The following GPC6 variants were observed in gnomAD, a reference collection of about 807,000 sequenced individuals.
The protein encoded by GPC6 is glypican-6.
Under a neutral mutation model 55.2 loss-of-function variants are expected in GPC6, and 14 were observed. The ratio of observed to expected loss-of-function variants is 0.25; its 90% CI spans 0.17 to 0.40. GPC6 has a LOEUF of 0.40. Among genes scored for constraint, GPC6 ranks in the 10% least tolerant of loss-of-function variants. GPC6 has a pLI of 1.00. For missense variants in GPC6, 641 were observed against 708.5 expected, an observed-to-expected ratio of 0.90 and a Z score of 1.08; for synonymous variants, 278 against 259.6, an observed-to-expected ratio of 1.07 and a Z score of -0.68.
chr13:93,761,841 C>T (rs943377572), intron 2 of GPC6, among the ~76,000 whole-genome samples: 9 of 152,094 alleles, frequency 5.9e-5, no homozygotes, highest in Admixed American at 5.2e-4. Flanking sequence ...ACACATTAGT[C>T]ATCTGAAATA....
At chr13:94,103,616 T>C (rs1885945790) in intron 4 of GPC6, among the ~76,000 whole-genome samples, 2 of 152,228 alleles carry the variant, frequency 1.3e-5, no homozygotes, top group African/African-American at 4.8e-5. Flanking sequence ...TGGTTTTGAT[T>C]TGCATTTCTC....
intron 4 of GPC6, among the ~76,000 whole-genome samples, chr13:94,035,492 A>G (rs1241062843): frequency 8.5e-5 from 13 of 152,090 alleles, no homozygotes; most frequent in Admixed American, 8.5e-4. Context: ...AGAAAACATC[A>G]AACCACATAG....
At chr13:93,981,337 C>T (rs1479992336) in intron 3 of GPC6, among the ~76,000 whole-genome samples, 1 of 152,092 alleles carries the variant, frequency 6.6e-6, no homozygotes, top group African/African-American at 2.4e-5. Context: ...ATACAAAATA[C>T]CTCATATTTT....
intron 4 of GPC6, among the ~76,000 whole-genome samples, chr13:94,158,567 C>G (rs1334861903): frequency 6.6e-6 from 1 of 151,880 alleles, no homozygotes; most frequent in Non-Finnish European, 1.5e-5. Context: ...CAGAAGCAGG[C>G]AGGAGAGAAT....
chr13:93,706,274 AAAGATT>A (rs1882846179), intron 2 of GPC6, among the ~76,000 whole-genome samples: 1 of 151,924 alleles, frequency 6.6e-6, no homozygotes, highest in Admixed American at 6.6e-5. Context: ...TCCTAAATAA[AAAGATT>A]AAGAAATGAA....
rs971165085 is a variant in GPC6, at chr13:94,405,799, C to G, written c.*2582C>G. 35 of 152,266 alleles carry G rather than the reference C, an allele frequency of 2.3e-4. 1 individual carries two copies. Among genetic ancestry groups the G allele is most frequent in the Admixed American group, 1.6e-3 (25 of 15,300 alleles). The allele number at this position is 152,266 out of a possible 1,614,324, so 9.4% of individuals were successfully genotyped here. On this transcript the variant is annotated 3_prime_UTR_variant, in exon 9 of 9. Coordinates refer to ENST00000377047, the MANE Select transcript of GPC6 (RefSeq NM_005708.5). The stretch of plus-strand genomic sequence containing the variant: ...TTAATGATGTCACAGTGTTAGCACC[C>G]TGCATGGATGTGGTCAAAATATCAT...
At chr13:94,149,222 G>T (rs1319296537) in intron 4 of GPC6, among the ~76,000 whole-genome samples, 1 of 152,060 alleles carries the variant, frequency 6.6e-6, no homozygotes, top group East Asian at 1.9e-4. Context: ...TAGATGAATG[G>T]AAGAAAACAA....
At chr13:93,363,107 CTTTTTTTTTGTT>C (rs1292963282) in intron 1 of GPC6, among the ~76,000 whole-genome samples, 2,469 of 126,306 alleles carry the variant, frequency 0.02, 63 homozygotes, top group African/African-American at 0.067. Flanking sequence ...TTTTTCTTTC[CTTTTTTTTTGTT>C]TTTTTTTTTG....
chr13:93,290,207 G>A (rs1227590690), intron 1 of GPC6, among the ~76,000 whole-genome samples: 1 of 152,124 alleles, frequency 6.6e-6, no homozygotes, highest in Non-Finnish European at 1.5e-5. Flanking sequence ...ATGTTTGCCT[G>A]TGACTTTTTT....
At chr13:93,629,206 C>T (rs1428902559) in intron 2 of GPC6, among the ~76,000 whole-genome samples, 1 of 152,076 alleles carries the variant, frequency 6.6e-6, no homozygotes, top group Admixed American at 6.6e-5. Flanking sequence ...TAAGTAGATA[C>T]TAAGTCTGGT....
At chr13:93,288,041 T>C (rs1878196259) in intron 1 of GPC6, among the ~76,000 whole-genome samples, 1 of 152,210 alleles carries the variant, frequency 6.6e-6, no homozygotes, top group South Asian at 2.1e-4. Flanking sequence ...AATTTACTAA[T>C]GTCCCTTTTA....
intron 6 of GPC6, among the ~76,000 whole-genome samples, chr13:94,344,339 A>T (rs1878181916): frequency 6.6e-6 from 1 of 152,228 alleles, no homozygotes; most frequent in Admixed American, 6.5e-5. Flanking sequence ...GTTTGAATTA[A>T]CAATGAATTA....
intron 4 of GPC6, among the ~76,000 whole-genome samples, chr13:94,065,347 G>A (rs2138774386): frequency 6.6e-6 from 1 of 152,310 alleles, no homozygotes; most frequent in Non-Finnish European, 1.5e-5. Context: ...ACTCTATGAT[G>A]AGAGTATGCT....
At chr13:93,310,287 A>G (rs1879020541) in intron 1 of GPC6, among the ~76,000 whole-genome samples, 1 of 152,138 alleles carries the variant, frequency 6.6e-6, no homozygotes, top group South Asian at 2.1e-4. Context: ...CAATGCAGCT[A>G]ATTGTTTCCA....
At chr13:94,085,090 G>A (rs201572574) in intron 4 of GPC6, among the ~76,000 whole-genome samples, 4 of 151,920 alleles carry the variant, frequency 2.6e-5, no homozygotes, top group South Asian at 2.1e-4. Context: ...TTGGGAGGCC[G>A]AGGCAGGCAG....
At chr13:93,760,689 G>A (rs761569825) in intron 2 of GPC6, among the ~76,000 whole-genome samples, 3 of 152,148 alleles carry the variant, frequency 2.0e-5, no homozygotes, top group African/African-American at 4.8e-5. Flanking sequence ...TATACATGCC[G>A]AAGTAAATCA....
chr13:93,426,405 G>C (rs1179962506), intron 1 of GPC6, among the ~76,000 whole-genome samples: 3 of 118,946 alleles, frequency 2.5e-5, no homozygotes, highest in African/African-American at 1.0e-4. Context: ...CCCCACAACA[G>C]TCCCCAGAGT....
At position 93,464,649 on chromosome 13, in the gene GPC6, A is replaced by C. The variant is rs181835842; in HGVS notation, c.161-80614A>C. ...ATGTCTCTGGTGATTTTCTCCATTGAATTCTTGGACCCCTCCAAGTCATCT... is the reference window on the plus strand; with the variant it reads ...ATGTCTCTGGTGATTTTCTCCATTGCATTCTTGGACCCCTCCAAGTCATCT... On this transcript the variant is annotated intron_variant, in intron 1 of 8. Transcript: ENST00000377047. 3.3e-5 allele frequency among the ~76,000 whole-genome samples: 5 copies of C among 152,228 alleles called. No individual in the cohort carries two copies. The East Asian group carries it at 9.7e-4, about 29-fold the overall frequency.
Position 94,382,637 on chromosome 13 carries a change from T to C in GPC6, c.1289+87T>C, listed in dbSNP as rs377281133. 28 of 1,568,918 alleles carry C rather than the reference T, an allele frequency of 1.8e-5. No homozygotes were observed. In the Middle Eastern group the frequency reaches 6.4e-4, roughly 36 times the overall value. On this transcript the variant is annotated intron_variant, in intron 7 of 8. Transcript: ENST00000377047. ...CCTGGCACAACTCTACAAACCTGTT[T>C]ATGCAAAAAGCAACAGAGGGTGGAG...
Sources: allele counts gnomAD v4.1 joint callset (sites outside exome capture counted in the v4.1 genomes callset), GRCh38; gene constraint gnomAD v4.1.1; transcripts MANE v1.5; gene names NCBI Gene and HGNC (gene_info 2026-07-23, HGNC 2026-07-21).